The following DOCK4 variants were observed in gnomAD, a reference collection of about 807,000 sequenced individuals.
DOCK4 encodes dedicator of cytokinesis 4, also known as dedicator of cytokinesis protein 4.
In DOCK4, 97 loss-of-function variants were observed where a neutral mutation model predicts 268.1. The ratio of observed to expected loss-of-function variants is 0.36; its 90% confidence interval spans 0.31 to 0.43. DOCK4 has a LOEUF of 0.43. DOCK4 is among the 20% of genes least tolerant of loss of function. The probability of loss-of-function intolerance (pLI) is 1.00; values close to 1 mark genes in which losing one functional copy is unlikely to be tolerated. For synonymous variants in DOCK4, 954 were observed against 887.2 expected, an observed-to-expected ratio of 1.08 and a Z score of -1.34; for missense variants, 2,145 against 2,455.7, an observed-to-expected ratio of 0.87 and a Z score of 2.67.
intron 7 of DOCK4, among the ~76,000 whole-genome samples, chr7:111,977,766 C>A (rs932956321): frequency 3.9e-5 from 6 of 152,180 alleles, no homozygotes; most frequent in African/African-American, 1.2e-4. Flanking sequence ...ATTAAAAGTT[C>A]TTTTAGGTTA....
intron 1 of DOCK4, among the ~76,000 whole-genome samples, chr7:112,192,290 GA>G (rs1460804881): frequency 7.2e-5 from 11 of 152,054 alleles, no homozygotes; most frequent in African/African-American, 2.7e-4. Context: ...AGGGGAGGGG[GA>G]GGAGGTGGAA....
intron 1 of DOCK4, among the ~76,000 whole-genome samples, chr7:112,027,819 T>C (rs949657131): frequency 6.6e-6 from 1 of 152,164 alleles, no homozygotes; most frequent in Non-Finnish European, 1.5e-5. Context: ...TCCTTCAACA[T>C]CATTTCTTAA....
chr7:112,046,809 A>C (rs1156396640), intron 1 of DOCK4, among the ~76,000 whole-genome samples: 1 of 152,224 alleles, frequency 6.6e-6, no homozygotes, highest in Non-Finnish European at 1.5e-5. Context: ...TAGAGGGTCC[A>C]GGCCATGGAG....
intron 36 of DOCK4, among the ~76,000 whole-genome samples, chr7:111,777,734 T>G (rs533029984): frequency 4.0e-5 from 6 of 151,670 alleles, no homozygotes; most frequent in African/African-American, 1.5e-4. Context: ...TGGGGGAGGG[T>G]CTTTCCCATG....
chr7:112,074,909 A>T (rs907392691), intron 1 of DOCK4, among the ~76,000 whole-genome samples: 9 of 152,116 alleles, frequency 5.9e-5, no homozygotes, highest in African/African-American at 2.2e-4. Context: ...CTCCTCCTCT[A>T]AGTTTCTATG....
chr7:112,166,943 T>C (rs1239001035), intron 1 of DOCK4, among the ~76,000 whole-genome samples: 1 of 152,110 alleles, frequency 6.6e-6, no homozygotes, highest in Non-Finnish European at 1.5e-5. Context: ...TGAGAATATG[T>C]GCCAGCTTAA....
At chr7:111,854,380 C>A (rs1488790216) in intron 23 of DOCK4, among the ~76,000 whole-genome samples, 1 of 152,224 alleles carries the variant, frequency 6.6e-6, no homozygotes, top group Non-Finnish European at 1.5e-5. Context: ...CCTGCTCAAT[C>A]GATCACGACC....
chr7:111,962,355 G>A (rs917285380), intron 8 of DOCK4, among the ~76,000 whole-genome samples: 1 of 152,204 alleles, frequency 6.6e-6, no homozygotes, highest in Non-Finnish European at 1.5e-5. Flanking sequence ...TTATCAGGTA[G>A]AAAGTATTAC....
intron 1 of DOCK4, among the ~76,000 whole-genome samples, chr7:112,012,126 A>G (rs1423512415): frequency 6.6e-6 from 1 of 152,154 alleles, no homozygotes; most frequent in Non-Finnish European, 1.5e-5. Flanking sequence ...TTTTTTCATC[A>G]TAATTGTTAA....
intron 1 of DOCK4, among the ~76,000 whole-genome samples, chr7:112,037,619 T>C (rs995610768): frequency 1.3e-5 from 2 of 152,242 alleles, no homozygotes; most frequent in African/African-American, 4.8e-5. Context: ...TCATTGTGTA[T>C]ATTAATAGTC....
intron 28 of DOCK4, among the ~76,000 whole-genome samples, 192 bp downstream of exon 28, chr7:111,811,682 T>C (rs576616476): frequency 5.9e-4 from 90 of 152,164 alleles, no homozygotes; most frequent in Admixed American, 9.8e-4. Context: ...AAAAACTATC[T>C]CCTTTTAAGC....
intron 51 of DOCK4, among the ~76,000 whole-genome samples, chr7:111,734,721 G>GTTGA (rs1250367362): frequency 2.0e-5 from 3 of 152,198 alleles, no homozygotes; most frequent in Admixed American, 6.5e-5. Context: ...GTTAGCGGAG[G>GTTGA]TTGATAAGAA....
In DOCK4 at chr7:111,977,353, G is replaced by C. The variant is rs537239842; in HGVS notation, c.550-70C>G. Reference sequence around the variant, plus strand: ...GGAAATAACAGGACCCAACAAACTAGTTAGCTATGAGGTGACTGTGATGTC... The same window carrying C: ...GGAAATAACAGGACCCAACAAACTACTTAGCTATGAGGTGACTGTGATGTC... On this transcript the variant is annotated intron_variant, in intron 7 of 52. Coordinates refer to ENST00000428084, the MANE Select transcript of DOCK4 (RefSeq NM_001363540.2). 46 of 1,517,018 alleles carry C rather than the reference G, an allele frequency of 3.0e-5. No individual in the cohort carries two copies. The South Asian group carries it at 5.2e-4, about 17-fold the overall frequency. 94.0% of individuals were successfully genotyped at this position (1,517,018 alleles called of 1,614,324 possible).
At chr7:112,001,930 T>A (rs1443643121) in intron 2 of DOCK4, among the ~76,000 whole-genome samples, 1 of 152,204 alleles carries the variant, frequency 6.6e-6, no homozygotes, top group African/African-American at 2.4e-5. Context: ...CTTACATGTC[T>A]TTTTATAGTT....
chr7:111,989,513 T>C (rs533473217), intron 5 of DOCK4, among the ~76,000 whole-genome samples: 35 of 152,354 alleles, frequency 2.3e-4, no homozygotes, highest in Admixed American at 5.2e-4. Flanking sequence ...CTGATCACTT[T>C]TGCTCACATT....
Position 111,778,151 on chromosome 7 carries a change from A to G in DOCK4, c.3679+125T>C, listed in dbSNP as rs1043224330. 15 of 612,146 alleles carry G rather than the reference A, an allele frequency of 2.5e-5. No individual in the cohort carries two copies. In the African/African-American group the frequency reaches 2.8e-4, roughly 11 times the overall value. The allele number at this position is 612,146 out of a possible 1,614,324, so 37.9% of individuals were successfully genotyped here. A position where few individuals can be genotyped will look rare whatever the true frequency, so the allele number is the denominator to read the frequency against. ...AATCTGCAGAAATATATATCCAATT[A>G]AAAATAAATTTTAATTTTAAAGTAG... On this transcript the variant is annotated intron_variant, in intron 36 of 52. Transcript: ENST00000428084.
At chr7:111,831,641 T>C (rs1407541436) in intron 26 of DOCK4, among the ~76,000 whole-genome samples, 1 of 152,050 alleles carries the variant, frequency 6.6e-6, no homozygotes, top group Non-Finnish European at 1.5e-5. Flanking sequence ...TGTGCCACCA[T>C]ACCCAGCTAG....
chr7:111,889,033 G>A (rs768589333), intron 16 of DOCK4, among the ~76,000 whole-genome samples: 15 of 152,116 alleles, frequency 9.9e-5, no homozygotes, highest in Non-Finnish European at 1.6e-4. Context: ...TGAAGATGTA[G>A]CAGTATGAAC....
intron 1 of DOCK4, among the ~76,000 whole-genome samples, chr7:112,193,914 C>T (rs1820189723): frequency 6.6e-6 from 1 of 152,052 alleles, no homozygotes; most frequent in Admixed American, 6.6e-5. Flanking sequence ...CTTCTTGCTG[C>T]ACCCTCACAT....
Sources: allele counts gnomAD v4.1 joint callset (sites outside exome capture counted in the v4.1 genomes callset), GRCh38; gene constraint gnomAD v4.1.1; transcripts MANE v1.5; gene names NCBI Gene and HGNC (gene_info 2026-07-23, HGNC 2026-07-21).